Variants in NAALADL2 observed in about 807,000 individuals in gnomAD.
NAALADL2 encodes the protein inactive N-acetylated-alpha-linked acidic dipeptidase-like protein 2.
Under a neutral mutation model 87.2 loss-of-function variants are expected in NAALADL2, and 76 were observed. The observed-to-expected ratio is 0.87, with a 90% CI of 0.72 to 1.05. The LOEUF is 1.05. Ranked by LOEUF, NAALADL2 falls within the 50% of genes least tolerant of loss-of-function variation. NAALADL2 has a pLI of 0.00. For synonymous variants in NAALADL2, 354 were observed against 331.0 expected, an observed-to-expected ratio of 1.07 and a Z score of -0.75; for missense variants, 1,089 against 945.8, an observed-to-expected ratio of 1.15 and a Z score of -1.99.
At chr3:174,442,477 A>G (rs1428775126) in intron 1 of NAALADL2, among the ~76,000 whole-genome samples, 2 of 152,176 alleles carry the variant, frequency 1.3e-5, no homozygotes, top group East Asian at 1.9e-4. Context: ...GGATGACGTA[A>G]TGCATTCCTG....
intron 11 of NAALADL2, among the ~76,000 whole-genome samples, chr3:175,633,393 T>C (rs1462309007): frequency 1.3e-5 from 2 of 152,086 alleles, no homozygotes; most frequent in Non-Finnish European, 1.5e-5. Flanking sequence ...TAATAAATAC[T>C]CAATTAATGA....
rs899927735 is a variant in NAALADL2, at chr3:174,641,146, C to T, written c.-115+90509C>T. Among the ~76,000 whole-genome samples the T allele has an allele frequency of 3.3e-5, 5 of 152,120 alleles. 1 individual carries two copies. In the South Asian group the frequency reaches 1.0e-3, roughly 32 times the overall value. Reference sequence around the variant, plus strand: ...TTTAAGAGGCCGGAAGCTGCAGAGCCGCCCCCTCCTGCTGCCAAAGAAGCA... The same window carrying T: ...TTTAAGAGGCCGGAAGCTGCAGAGCTGCCCCCTCCTGCTGCCAAAGAAGCA... On this transcript the variant is annotated intron_variant, in intron 2 of 3. Coordinates refer to the NAALADL2 transcript ENST00000434257.
At chr3:175,703,657 C>T (rs770053886) in intron 11 of NAALADL2, among the ~76,000 whole-genome samples, 2 of 152,038 alleles carry the variant, frequency 1.3e-5, no homozygotes, top group Non-Finnish European at 2.9e-5. Flanking sequence ...GCAGGAGAAT[C>T]GCTTGAACCT....
chr3:175,740,220 G>A (rs930202087), intron 12 of NAALADL2, among the ~76,000 whole-genome samples: 1 of 152,196 alleles, frequency 6.6e-6, no homozygotes, highest in African/African-American at 2.4e-5. Flanking sequence ...TGCTGGTAAT[G>A]GGTAAACAAA....
At chr3:175,414,536 C>T (rs1283173799) in intron 5 of NAALADL2, among the ~76,000 whole-genome samples, 1 of 152,054 alleles carries the variant, frequency 6.6e-6, no homozygotes, top group Non-Finnish European at 1.5e-5. Flanking sequence ...ATTGAATATT[C>T]TCAAAAGCAA....
chr3:175,005,643 C>A (rs1041205224), intron 1 of NAALADL2, among the ~76,000 whole-genome samples: 1 of 152,092 alleles, frequency 6.6e-6, no homozygotes, highest in Admixed American at 6.6e-5. Flanking sequence ...CCAAAACACT[C>A]CTATATTATG....
At chr3:175,662,873 G>C (rs1732450581) in intron 11 of NAALADL2, among the ~76,000 whole-genome samples, 1 of 151,902 alleles carries the variant, frequency 6.6e-6, no homozygotes, top group Non-Finnish European at 1.5e-5. Flanking sequence ...TTTTTAATGT[G>C]TTGTTGAATT....
chr3:175,666,794 C>A (rs1435726906), intron 11 of NAALADL2, among the ~76,000 whole-genome samples: 1 of 151,880 alleles, frequency 6.6e-6, no homozygotes, highest in East Asian at 1.9e-4. Context: ...CATTTTAATA[C>A]AAATGAGTGG....
At chr3:174,732,431 C>T (rs947544185) in intron 2 of NAALADL2, among the ~76,000 whole-genome samples, 13 of 152,048 alleles carry the variant, frequency 8.5e-5, no homozygotes, top group Middle Eastern at 3.4e-3. Context: ...CGAGGATATC[C>T]ATTATATGAA....
intron 9 of NAALADL2, among the ~76,000 whole-genome samples, chr3:175,496,819 C>CT (rs1728880348): frequency 6.6e-6 from 1 of 152,034 alleles, no homozygotes; most frequent in African/African-American, 2.4e-5. Flanking sequence ...CTCGGCCTCC[C>CT]AAAGTTCTGG....
At chr3:175,442,055 C>G (rs1216632581) in intron 5 of NAALADL2, among the ~76,000 whole-genome samples, 1 of 152,142 alleles carries the variant, frequency 6.6e-6, no homozygotes, top group South Asian at 2.1e-4. Context: ...GATTGTCCTG[C>G]CTCAGCCTCC....
chr3:175,315,267 G>T (rs879754186), intron 4 of NAALADL2, among the ~76,000 whole-genome samples: 2 of 152,090 alleles, frequency 1.3e-5, no homozygotes, highest in Admixed American at 1.3e-4. Flanking sequence ...TGAAAACTTG[G>T]ACAAGGATTA....
In NAALADL2 at chr3:175,044,496, A is replaced by T. The variant is rs114181116; in HGVS notation, c.44-52294A>T. ...TCTCGTGTATTGCAAGGGGAATCTG[A>T]TAACTGTTATATTCCTGGTAAACTA... On this transcript the variant is annotated intron_variant, in intron 1 of 13. Transcript: ENST00000454872. 2.6e-3 allele frequency among the ~76,000 whole-genome samples: 393 copies of T among 152,246 alleles called. 1 individual carries two copies. The highest frequency in any genetic ancestry group is 8.7e-3 in the African/African-American group (362 of 41,564).
chr3:175,355,244 T>G (rs1447139349), intron 5 of NAALADL2, among the ~76,000 whole-genome samples: 4 of 151,824 alleles, frequency 2.6e-5, no homozygotes, highest in African/African-American at 9.7e-5. Context: ...ATTTTTGTAT[T>G]TTAGTAGAGT....
chr3:174,735,489 T>C (rs1733104999), intron 2 of NAALADL2, among the ~76,000 whole-genome samples: 2 of 152,218 alleles, frequency 1.3e-5, no homozygotes, highest in Admixed American at 6.5e-5. Context: ...TCTCTTCCTT[T>C]GTTTAATCCT....
At chr3:175,371,636 C>G (rs1766516924) in intron 5 of NAALADL2, among the ~76,000 whole-genome samples, 1 of 151,630 alleles carries the variant, frequency 6.6e-6, no homozygotes, top group Non-Finnish European at 1.5e-5. Context: ...AGTAGCCTGG[C>G]CAAGATGGCG....
intron 5 of NAALADL2, among the ~76,000 whole-genome samples, chr3:175,408,160 G>A (rs995434493): frequency 1.4e-4 from 22 of 152,046 alleles, no homozygotes; most frequent in Non-Finnish European, 1.5e-4. Context: ...TGATCAAAGA[G>A]AACAAAATTT....
At chr3:175,625,157 G>T (rs775282772) in intron 10 of NAALADL2, among the ~76,000 whole-genome samples, 1 of 151,946 alleles carries the variant, frequency 6.6e-6, no homozygotes, top group Non-Finnish European at 1.5e-5. Context: ...ATATAAAAAC[G>T]AGTGTATTCA....
intron 2 of NAALADL2, among the ~76,000 whole-genome samples, chr3:174,699,600 GTTAA>G (rs896253148): frequency 3.3e-5 from 5 of 151,506 alleles, no homozygotes; most frequent in Admixed American, 1.3e-4. Flanking sequence ...AATTCTTCCT[GTTAA>G]TTTTTGATAA....
Sources: gnomAD v4.1 joint callset for allele counts (sites outside exome capture counted in the v4.1 genomes callset) on GRCh38, gnomAD v4.1.1 for gene constraint, MANE v1.5 for transcripts, NCBI Gene and HGNC (gene_info 2026-07-23, HGNC 2026-07-21) for gene names.